The following OVOL1 variants were observed in gnomAD, a reference collection of about 807,000 sequenced individuals.
The protein encoded by OVOL1 is putative transcription factor Ovo-like 1.
A neutral mutation model predicts 21.5 loss-of-function variants in OVOL1; 10 were observed. The ratio of observed to expected loss-of-function variants is 0.46; its 90% CI spans 0.29 to 0.79. The LOEUF is 0.79. Among genes scored for constraint, OVOL1 ranks in the 30% least tolerant of loss-of-function variants. The pLI is 0.10. For synonymous variants in OVOL1, 129 were observed against 150.3 expected (o/e 0.86, Z 1.03); for missense variants, 279 against 362.3 (o/e 0.77, Z 1.87).
chr11:65,793,291 TCGGTGCTGC>T (rs1191411337), intron 1 of OVOL1, among the ~76,000 whole-genome samples: 2 of 152,290 alleles, frequency 1.3e-5, no homozygotes, highest in Admixed American at 6.5e-5. Context: ...CTGCCAGGTA[TCGGTGCTGC>T]CGCTGCTGAG....
At chr11:65,787,658 G>C (rs996096188) in intron 1 of OVOL1, among the ~76,000 whole-genome samples, 185 bp downstream of exon 1, 103 of 151,794 alleles carry the variant, frequency 6.8e-4, no homozygotes, top group Admixed American at 1.2e-3. Context: ...GGCGGGGGCG[G>C]GGCCGGCGGA....
chr11:65,790,840 G>T (rs1858001662), intron 1 of OVOL1: 1 of 152,408 alleles, frequency 6.6e-6, no homozygotes, highest in Non-Finnish European at 1.5e-5. Context: ...AAACCTGGCA[G>T]ATGATTTGTC....
At chr11:65,788,974 C>T (rs1565228927) in intron 1 of OVOL1, 1 of 985,808 alleles carries the variant, frequency 1.0e-6, no homozygotes, top group Non-Finnish European at 1.2e-6. Flanking sequence ...CTCCGCCCTC[C>T]GCCCTCCACC....
Position 65,794,105 on chromosome 11 carries a change from C to T in OVOL1, c.175C>T (p.Leu59=), listed in dbSNP as rs757586209. 3 of 1,613,870 alleles carry T rather than the reference C, an allele frequency of 1.9e-6. No homozygotes were observed. The highest frequency in any genetic ancestry group is 2.7e-5 in the African/African-American group (2 of 74,924). ...TGTGGCCGAACCCCCTTCCTGCCCG[C>T]TGGCTTTGAACATGAGCCTTCGAGA... ...PSVAEPPSCP[L]ALNMSLRDSS... The change falls in exon 2 of 4, where the codon CTG becomes TTG. Residue 59 remains leucine (L), a synonymous_variant. Transcript: ENST00000335987.
intron 1 of OVOL1, chr11:65,789,849 TC>T: frequency 4.6e-6 from 1 of 217,374 alleles, no homozygotes; most frequent in Non-Finnish European, 7.8e-6. Flanking sequence ...GAGACACTGG[TC>T]CCCAGCCCGA....
In OVOL1 at chr11:65,795,672, T is replaced by C. The variant is rs1290188108; in HGVS notation, c.*331T>C. The C allele has an allele frequency of 2.5e-6, 1 of 405,952 alleles. No homozygotes were observed. Among genetic ancestry groups the C allele is most frequent in the Non-Finnish European group, 4.6e-6 (1 of 219,130 alleles). 25.1% of individuals were successfully genotyped at this position (405,952 alleles called of 1,614,324 possible). ...GGCACTGTGTGCCTGGCAGCAGGAC[T>C]TCCTACCCAGAGGAGGTTCGAGCTA... On this transcript the variant is annotated 3_prime_UTR_variant, in exon 4 of 4. Transcript: ENST00000335987. This position sits in a 1 kb window ranked among gnomAD's most constrained non-coding sequence, Gnocchi z 5.7.
At chr11:65,793,528 G>A (rs778398375) in intron 1 of OVOL1, among the ~76,000 whole-genome samples, 35 of 152,192 alleles carry the variant, frequency 2.3e-4, no homozygotes, top group Non-Finnish European at 1.9e-4. Context: ...GCCTGCTGGG[G>A]TGGGGGTGGG....
rs983176661 is a variant in OVOL1, at chr11:65,795,915, C to T, written c.*574C>T. 1.3e-4 allele frequency: 22 copies of T among 167,746 alleles called. No individual in the cohort carries two copies. The highest frequency in any genetic ancestry group is 6.6e-5 in the Non-Finnish European group (5 of 75,630). 10.4% of individuals were successfully genotyped at this position (167,746 alleles called of 1,614,324 possible). A position where few individuals can be genotyped will look rare whatever the true frequency, so the allele number is the denominator to read the frequency against. The stretch of plus-strand genomic sequence containing the variant: ...ACATGTGTGCCCAGCCGTGTGTGTG[C>T]GTGTGCTTGTGTGTGTGCACTGCTG... On this transcript the variant is annotated 3_prime_UTR_variant, in exon 4 of 4. Coordinates refer to ENST00000335987, the MANE Select transcript of OVOL1 (RefSeq NM_004561.4). The surrounding 1 kb of genome is among the most constrained non-coding windows in gnomAD (Gnocchi z 5.7).
At chr11:65,791,959 G>C (rs1396838573) in intron 1 of OVOL1, among the ~76,000 whole-genome samples, 1 of 152,262 alleles carries the variant, frequency 6.6e-6, no homozygotes, top group Admixed American at 6.5e-5. Flanking sequence ...GAAGGGACAC[G>C]CTCATGGGGG....
At position 65,789,617 on chromosome 11, in the gene OVOL1, G is replaced by A. The variant is rs181441332; in HGVS notation, c.100+2144G>A. The A allele has an allele frequency of 1.4e-4, 137 of 971,490 alleles. No individual in the cohort carries two copies. In the East Asian group the frequency reaches 0.011, roughly 75 times the overall value. The allele number at this position is 971,490 out of a possible 1,614,324, so 60.2% of individuals were successfully genotyped here. A position where few individuals can be genotyped will look rare whatever the true frequency, so the allele number is the denominator to read the frequency against. ...GCGTTTTGTGCTGGCCTGTCCCCTG[G>A]CTGGGCCATTCCATCACCAGCCAAC... On this transcript the variant is annotated intron_variant, in intron 1 of 3. Coordinates refer to ENST00000335987, the MANE Select transcript of OVOL1 (RefSeq NM_004561.4).
At chr11:65,788,815 A>C (rs11603206) in intron 1 of OVOL1, 195,063 of 985,348 alleles carry the variant, frequency 0.2, 20,581 homozygotes, top group Non-Finnish European at 0.21. Context: ...CAAAAAGGGA[A>C]GTGAGTGGCC....
chr11:65,787,803 C>T (rs1466238145), intron 1 of OVOL1, among the ~76,000 whole-genome samples: 1 of 152,210 alleles, frequency 6.6e-6, no homozygotes, highest in Non-Finnish European at 1.5e-5. Flanking sequence ...GCTCAGGCGA[C>T]CCTCGGCTCC....
intron 1 of OVOL1, among the ~76,000 whole-genome samples, chr11:65,791,525 C>T (rs534024704): frequency 5.9e-5 from 9 of 152,332 alleles, no homozygotes; most frequent in African/African-American, 1.4e-4. Flanking sequence ...TGGGGGGACC[C>T]GGCACTTTCC....
chr11:65,793,992 TTCTCC>T (rs750867267), intron 1 of OVOL1, 34 bp from the exon 2 acceptor site: 1 of 1,556,964 alleles, frequency 6.4e-7, no homozygotes, highest in South Asian at 1.1e-5. Flanking sequence ...GGACCCTCTC[TTCTCC>T]ACCAAGCCTC....
chr11:65,791,553 A>G (rs1858018162), intron 1 of OVOL1, among the ~76,000 whole-genome samples: 1 of 152,242 alleles, frequency 6.6e-6, no homozygotes, highest in Admixed American at 6.5e-5. Flanking sequence ...CTGGGCCAGC[A>G]GCTTTCCATC....
chr11:65,788,488 A>C (rs1020357646), intron 1 of OVOL1: 132 of 984,100 alleles, frequency 1.3e-4, no homozygotes, highest in Non-Finnish European at 1.5e-4. Flanking sequence ...GGAGGGGAGG[A>C]GTAATTAACC....
At chr11:65,793,227 C>T (rs1380140409) in intron 1 of OVOL1, among the ~76,000 whole-genome samples, 2 of 152,226 alleles carry the variant, frequency 1.3e-5, no homozygotes, top group African/African-American at 4.8e-5. Flanking sequence ...AGCCAAGCCT[C>T]CCCGGCCCGT....
At chr11:65,794,283 G>C (rs367687635) in intron 2 of OVOL1, 35 bp downstream of exon 2, 3 of 1,563,544 alleles carry the variant, frequency 1.9e-6, no homozygotes, top group Admixed American at 3.3e-5. Flanking sequence ...AGGGCCGGGG[G>C]CGTGCATGTA....
chr11:65,795,315 C>G lies in OVOL1; in HGVS notation c.778C>G (p.Leu260Val). ...AVALQNTVTS[L>V]LQGSPHL ...GGCACTACAGAACACTGTCACTTCC[C>G]TGCTGCAGGGCAGCCCCCACCTGTG... is the stretch of plus-strand genomic sequence containing the variant. Residue 260 changes from leucine to valine, a missense_variant, in exon 4 of 4, where the codon CTG (leucine) becomes GTG (valine). Leu to Val is a conservative substitution (Grantham distance 32). Transcript: ENST00000335987. The surrounding 1 kb of genome is among the most constrained non-coding windows in gnomAD (Gnocchi z 5.7). 1.9e-6 allele frequency: 3 copies of G among 1,608,102 alleles called. No homozygotes were observed. Among genetic ancestry groups the G allele is most frequent in the South Asian group, 1.1e-5 (1 of 90,388 alleles).
Sources: allele counts gnomAD v4.1 joint callset (sites outside exome capture counted in the v4.1 genomes callset), GRCh38; gene constraint gnomAD v4.1.1; non-coding constraint Gnocchi (gnomAD v3.1); transcripts MANE v1.5; gene names NCBI Gene and HGNC (gene_info 2026-07-23, HGNC 2026-07-21).